Variants in KAT2B observed in about 807,000 individuals in gnomAD.
KAT2B encodes histone acetyltransferase KAT2B.
KAT2B carries 36 observed loss-of-function variants against 105.9 expected under a neutral mutation model. That is an observed-to-expected ratio of 0.34 (90% CI 0.26 to 0.45). The LOEUF (loss-of-function observed/expected upper bound fraction) is 0.45. Among genes scored for constraint, KAT2B ranks in the 20% least tolerant of loss-of-function variants. The probability of loss-of-function intolerance (pLI) is 1.00; values close to 1 mark genes in which losing one functional copy is unlikely to be tolerated. For missense variants in KAT2B, 820 were observed against 1,021.6 expected (o/e 0.80, Z 2.69); for synonymous variants, 397 against 377.9 (o/e 1.05, Z -0.59).
intron 17 of KAT2B, among the ~76,000 whole-genome samples, chr3:20,149,524 T>C (rs982113122): frequency 1.1e-5 from 1 of 90,622 alleles, no homozygotes; most frequent in Non-Finnish European, 2.0e-5. Context: ...AAAAAAATTG[T>C]GGAAGTGTTA....
At chr3:20,092,961 A>T (rs1194263415) in intron 2 of KAT2B, among the ~76,000 whole-genome samples, 1 of 152,114 alleles carries the variant, frequency 6.6e-6, no homozygotes, top group African/African-American at 2.4e-5. Context: ...CAGCCTCCCA[A>T]AGTGCTGGGA....
Position 20,137,012 on chromosome 3 carries a change from C to T in KAT2B, c.1820C>T (p.Thr607Ile). 1 of 1,607,278 alleles carries T rather than the reference C, an allele frequency of 6.2e-7. No individual in the cohort carries two copies. The highest frequency in any genetic ancestry group is 8.5e-7 in the Non-Finnish European group (1 of 1,173,914). ...AAGCATGACATCCTGAACTTCCTCACATATGCAGATGAATATGCAATTGGA... is the reference window on the plus strand; with the variant it reads ...AAGCATGACATCCTGAACTTCCTCATATATGCAGATGAATATGCAATTGGA... ...HIKHDILNFL[T>I]YADEYAIGYF... The change falls in exon 12 of 18, where the codon ACA becomes ATA. Residue 607 changes from threonine (T) to isoleucine (I), a missense_variant. Around this residue, in one of 6 missense-constraint regions of KAT2B, gnomAD observed 227 missense variants for 292.9 expected, o/e 0.77. Transcript: ENST00000263754.
chr3:20,123,924 CATACCTGTCTTA>C (rs1699354993), intron 9 of KAT2B, among the ~76,000 whole-genome samples: 1 of 152,182 alleles, frequency 6.6e-6, no homozygotes, highest in African/African-American at 2.4e-5. Flanking sequence ...TTTCTTAAGA[CATACCTGTCTTA>C]AGACATTTCT....
chr3:20,058,976 A>G (rs1698049226), intron 1 of KAT2B, among the ~76,000 whole-genome samples: 1 of 152,212 alleles, frequency 6.6e-6, no homozygotes, highest in South Asian at 2.1e-4. Context: ...TGAGATCTCC[A>G]GGTGATTCCT....
rs115176719 is a variant in KAT2B at position 20,072,128 on chromosome 3, G to A, written c.304-205G>A. On this transcript the variant is annotated intron_variant, in intron 1 of 17. Coordinates refer to ENST00000263754, the MANE Select transcript of KAT2B (RefSeq NM_003884.5). ...TGTAGCATGCAGATTCCAGCCAGCA[G>A]ACAACAAAAGAAAACAAAAAGCAAA... Among the ~76,000 whole-genome samples, 2,928 of 152,290 alleles carry A rather than the reference G, an allele frequency of 0.019. 55 individuals carry two copies. The highest frequency in any genetic ancestry group is 0.028 in the Non-Finnish European group (1,887 of 68,020).
chr3:20,109,283 C>CAGAT (rs111929078), intron 5 of KAT2B, among the ~76,000 whole-genome samples: 13,720 of 149,246 alleles, frequency 0.092, 724 homozygotes, highest in South Asian at 0.13. Flanking sequence ...CCCTCAGCCC[C>CAGAT]AGATAGATAG....
At chr3:20,074,988 G>A (rs1698391920) in intron 2 of KAT2B, among the ~76,000 whole-genome samples, 1 of 152,136 alleles carries the variant, frequency 6.6e-6, no homozygotes, top group African/African-American at 2.4e-5. Flanking sequence ...CCATAAGGCC[G>A]GGCGTGGTGG....
chr3:20,101,565 A>G (rs1698911510), intron 5 of KAT2B, 97 bp downstream of exon 5: 3 of 868,510 alleles, frequency 3.5e-6, no homozygotes, highest in Non-Finnish European at 3.7e-6. Context: ...CCTAGTTATC[A>G]TTATGACTCC....
chr3:20,139,896 T>C (rs1699668100), intron 12 of KAT2B, among the ~76,000 whole-genome samples: 1 of 152,340 alleles, frequency 6.6e-6, no homozygotes, highest in East Asian at 1.9e-4. Context: ...TGGAGAAATT[T>C]GCAACGGTCA....
intron 1 of KAT2B, among the ~76,000 whole-genome samples, chr3:20,061,912 A>G (rs1388111836): frequency 1.7e-5 from 2 of 116,308 alleles, no homozygotes; most frequent in Non-Finnish European, 3.3e-5. Flanking sequence ...TATATATAAA[A>G]TATGTATTAT....
chr3:20,086,041 T>G (rs986521903), intron 2 of KAT2B, among the ~76,000 whole-genome samples: 4 of 150,104 alleles, frequency 2.7e-5, no homozygotes, highest in Admixed American at 2.6e-4. Flanking sequence ...GAGGCCACAG[T>G]GGATGGATCG....
chr3:20,076,926 A>C (rs1032052833), intron 2 of KAT2B, among the ~76,000 whole-genome samples: 7 of 152,214 alleles, frequency 4.6e-5, no homozygotes, highest in African/African-American at 1.7e-4. Context: ...ATATTCTTGA[A>C]TTTGTCAGAA....
At chr3:20,128,924 T>A (rs1414368280) in intron 11 of KAT2B, among the ~76,000 whole-genome samples, 1 of 149,642 alleles carries the variant, frequency 6.7e-6, no homozygotes, top group Non-Finnish European at 1.5e-5. Context: ...GGAAAATTGC[T>A]TGAACCCGGG....
At position 20,152,987 on chromosome 3, in the gene KAT2B, G is replaced by GT. The variant is rs1699894899; in HGVS notation, c.*463dup. On this transcript the variant is annotated 3_prime_UTR_variant, in exon 18 of 18. Coordinates refer to ENST00000263754, the MANE Select transcript of KAT2B (RefSeq NM_003884.5). ...GGGATACATGATTTTAAAAAAGCCT[G>GT]TAAGAGGTGAAATATGTGATGTTTG... 1 of 153,040 alleles carries GT rather than the reference G, an allele frequency of 6.5e-6. No individual in the cohort carries two copies. Among genetic ancestry groups the GT allele is most frequent in the African/African-American group, 2.4e-5 (1 of 41,430 alleles). 9.5% of individuals were successfully genotyped at this position (153,040 alleles called of 1,614,324 possible). A position where few individuals can be genotyped will look rare whatever the true frequency, so the allele number is the denominator to read the frequency against.
chr3:20,148,889 A>G (rs58969372), intron 17 of KAT2B: 9,168 of 163,098 alleles, frequency 0.056, 892 homozygotes, highest in African/African-American at 0.2. Flanking sequence ...ATAATTATTC[A>G]GGATAATAAT....
At chr3:20,075,608 T>C (rs1246421864) in intron 2 of KAT2B, among the ~76,000 whole-genome samples, 1 of 152,172 alleles carries the variant, frequency 6.6e-6, no homozygotes, top group African/African-American at 2.4e-5. Flanking sequence ...TTTGCTAGGA[T>C]GGCTTACAGA....
In KAT2B at chr3:20,108,883, C is replaced by G. The variant is rs1163217234; in HGVS notation, c.852-2713C>G. On this transcript the variant is annotated intron_variant, in intron 5 of 17. Transcript: ENST00000263754. ...TAAGCTGTACATTCTTTCTGAGAGT[C>G]TAATGCTTGATGATCTGAGGTGGAA... 2.0e-5 allele frequency among the ~76,000 whole-genome samples: 3 copies of G among 152,150 alleles called. No individual in the cohort carries two copies. The East Asian group carries it at 5.8e-4, about 29-fold the overall frequency.
At chr3:20,070,091 G>GCTA (rs1698293268) in intron 1 of KAT2B, among the ~76,000 whole-genome samples, 1 of 152,106 alleles carries the variant, frequency 6.6e-6, no homozygotes, top group Non-Finnish European at 1.5e-5. Context: ...GGTCACTTGA[G>GCTA]CTACTCACTG....
chr3:20,090,827 T>G lies in KAT2B; in HGVS notation c.431-4436T>G, dbSNP rs567264662. Among the ~76,000 whole-genome samples, 30 of 152,186 alleles carry G rather than the reference T, an allele frequency of 2.0e-4. 1 individual carries two copies. The South Asian group carries it at 2.9e-3, about 15-fold the overall frequency. On this transcript the variant is annotated intron_variant, in intron 2 of 17. Transcript: ENST00000263754. ...ATGGGTCACTGCAACCTCAATCTTG[T>G]GGGGTGGGTTCAAGCAATCCTCCAA...
Sources: gnomAD v4.1 joint callset for allele counts (sites outside exome capture counted in the v4.1 genomes callset) on GRCh38, gnomAD v4.1.1 for gene constraint, gnomAD v4.1.1 regional missense constraint, MANE v1.5 for transcripts, NCBI Gene and HGNC (gene_info 2026-07-23, HGNC 2026-07-21) for gene names.